Variants in PPP1R12B observed in about 807,000 individuals in gnomAD.
PPP1R12B encodes the protein protein phosphatase 1 regulatory subunit 12B.
In PPP1R12B, 76 loss-of-function variants were observed where a neutral mutation model predicts 126.1. The ratio of observed to expected loss-of-function variants is 0.60; its 90% CI spans 0.50 to 0.73. PPP1R12B has a LOEUF of 0.73. Ranked by LOEUF, PPP1R12B falls within the 30% of genes least tolerant of loss-of-function variation. The probability of loss-of-function intolerance (pLI) is 0.00; values close to 1 mark genes in which losing one functional copy is unlikely to be tolerated. For missense variants in PPP1R12B, 1,052 were observed against 1,205.1 expected, an observed-to-expected ratio of 0.87 and a Z score of 1.88; for synonymous variants, 356 against 434.7, an observed-to-expected ratio of 0.82 and a Z score of 2.25.
intron 12 of PPP1R12B, among the ~76,000 whole-genome samples, chr1:202,446,251 TATA>T (rs1212983184): frequency 1.3e-3 from 82 of 62,674 alleles, no homozygotes; most frequent in Non-Finnish European, 1.8e-3. Flanking sequence ...TATATATATA[TATA>T]TATTTTTTTT....
Position 202,416,776 on chromosome 1 carries a change from T to C in PPP1R12B, c.292-11T>C. On this transcript the variant is annotated splice_polypyrimidine_tract_variant and intron_variant, in intron 1 of 23. Coordinates refer to ENST00000608999, the MANE Select transcript of PPP1R12B (RefSeq NM_002481.4). ...TACTTGTTGAATGAATGAATGGACT[T>C]TTCTTTTCAGGCATGTATTGATGAA... The C allele has an allele frequency of 6.2e-7, 1 of 1,612,630 alleles. No individual in the cohort carries two copies. Among genetic ancestry groups the C allele is most frequent in the Non-Finnish European group, 8.5e-7 (1 of 1,179,030 alleles).
At position 202,588,221 on chromosome 1, in the gene PPP1R12B, C is replaced by G. The variant is rs1383361135; in HGVS notation, c.*7661C>G. On this transcript the variant is annotated 3_prime_UTR_variant, in exon 24 of 24. Transcript: ENST00000608999. ...TTAGTGGTAGCATTTTGTGTCTTTA[C>G]TCCACCCTTCACCCTAGTTCCACCA... 1 of 152,632 alleles carries G rather than the reference C, an allele frequency of 6.6e-6. No individual in the cohort carries two copies. Among genetic ancestry groups the G allele is most frequent in the Admixed American group, 6.5e-5 (1 of 15,286 alleles). The allele number at this position is 152,632 out of a possible 1,614,324, so 9.5% of individuals were successfully genotyped here.
At chr1:202,462,037 A>G (rs1204323185) in intron 13 of PPP1R12B, among the ~76,000 whole-genome samples, 1 of 152,162 alleles carries the variant, frequency 6.6e-6, no homozygotes, top group Non-Finnish European at 1.5e-5. Flanking sequence ...AAACAAGTAC[A>G]CTCAATACTA....
chr1:202,467,547 C>A (rs956698038), intron 13 of PPP1R12B, among the ~76,000 whole-genome samples: 16 of 152,194 alleles, frequency 1.1e-4, no homozygotes, highest in African/African-American at 3.6e-4. Context: ...CTACAAAGGA[C>A]ATGAACTCAT....
intron 18 of PPP1R12B, among the ~76,000 whole-genome samples, chr1:202,544,452 T>A (rs1364751034): frequency 3.3e-5 from 5 of 152,200 alleles, no homozygotes; most frequent in Admixed American, 6.5e-5. Flanking sequence ...AATTTAAAAA[T>A]TTTTCAATGC....
chr1:202,436,113 AG>A (rs1487421625), intron 9 of PPP1R12B, among the ~76,000 whole-genome samples: 1 of 152,088 alleles, frequency 6.6e-6, no homozygotes, highest in Non-Finnish European at 1.5e-5. Flanking sequence ...TAAAAACATT[AG>A]CCAGGCATGG....
intron 1 of PPP1R12B, among the ~76,000 whole-genome samples, chr1:202,380,382 C>G (rs910080944): frequency 2.0e-5 from 3 of 152,126 alleles, no homozygotes; most frequent in Admixed American, 6.6e-5. Context: ...CCTAGAGTTT[C>G]CAGCCCAGGG....
intron 18 of PPP1R12B, among the ~76,000 whole-genome samples, chr1:202,537,774 C>G (rs563710985): frequency 1.3e-5 from 2 of 152,318 alleles, no homozygotes; most frequent in South Asian, 2.1e-4. Context: ...CGGTGACTTT[C>G]ATTCAACATA....
At chr1:202,470,045 T>C (rs1675622393) in intron 13 of PPP1R12B, among the ~76,000 whole-genome samples, 1 of 152,208 alleles carries the variant, frequency 6.6e-6, no homozygotes, top group Non-Finnish European at 1.5e-5. Flanking sequence ...TTTTCCCCAT[T>C]GGAGGCCATC....
chr1:202,412,030 T>TG (rs1196917297), intron 1 of PPP1R12B, among the ~76,000 whole-genome samples: 1 of 152,228 alleles, frequency 6.6e-6, no homozygotes, highest in Non-Finnish European at 1.5e-5. Flanking sequence ...TTTAGACAGT[T>TG]GGCCTCCTTT....
At chr1:202,350,320 C>T (rs1655707699) in intron 1 of PPP1R12B, among the ~76,000 whole-genome samples, 1 of 152,126 alleles carries the variant, frequency 6.6e-6, no homozygotes, top group African/African-American at 2.4e-5. Context: ...TGTTTGATTT[C>T]ATATGTCTTA....
chr1:202,432,497 C>T (rs1430596359), intron 8 of PPP1R12B, among the ~76,000 whole-genome samples: 1 of 152,100 alleles, frequency 6.6e-6, no homozygotes, highest in African/African-American at 2.4e-5. Context: ...AAACTCCCGA[C>T]CTCAAGTGAT....
At chr1:202,500,230 T>TTG (rs1482301899) in intron 18 of PPP1R12B, among the ~76,000 whole-genome samples, 1 of 151,930 alleles carries the variant, frequency 6.6e-6, no homozygotes, top group Non-Finnish European at 1.5e-5. Flanking sequence ...TCTCTCTCTC[T>TTG]CTCTCTCTCT....
intron 11 of PPP1R12B, among the ~76,000 whole-genome samples, chr1:202,441,508 A>G (rs1004213550): frequency 6.6e-6 from 1 of 152,140 alleles, no homozygotes; most frequent in African/African-American, 2.4e-5. Flanking sequence ...CTCCAGATCT[A>G]CTGAATTAGA....
chr1:202,557,553 C>A (rs1687082145), intron 18 of PPP1R12B, among the ~76,000 whole-genome samples: 1 of 152,056 alleles, frequency 6.6e-6, no homozygotes, highest in African/African-American at 2.4e-5. Context: ...CCTAATGATT[C>A]CCCCACCTCA....
intron 15 of PPP1R12B, among the ~76,000 whole-genome samples, 194 bp from the exon 16 acceptor site, chr1:202,495,099 T>G (rs1679372325): frequency 2.3e-5 from 3 of 129,424 alleles, no homozygotes; most frequent in South Asian, 2.2e-4. Flanking sequence ...AGCAGCTGTG[T>G]TTTTTTTTTT....
chr1:202,482,290 T>A (rs1677490768), intron 13 of PPP1R12B, among the ~76,000 whole-genome samples: 1 of 152,198 alleles, frequency 6.6e-6, no homozygotes, highest in African/African-American at 2.4e-5. Flanking sequence ...AGTTCTATTT[T>A]TACGTTTTAA....
At position 202,483,539 on chromosome 1, in the gene PPP1R12B, C is replaced by A. The variant is rs925877404; in HGVS notation, c.1851-4994C>A. Among the ~76,000 whole-genome samples the A allele has an allele frequency of 4.6e-5, 7 of 152,146 alleles. No individual in the cohort carries two copies. The East Asian group carries it at 1.4e-3, about 29-fold the overall frequency. On this transcript the variant is annotated intron_variant, in intron 13 of 23. Transcript: ENST00000608999. ...AACGACGGTTACAGAACAGGTGACTCAGGATGACTCAGGTCAGAGCAGGTG... is the reference window on the plus strand; with the variant it reads ...AACGACGGTTACAGAACAGGTGACTAAGGATGACTCAGGTCAGAGCAGGTG...
At chr1:202,436,176 G>A (rs1670786528) in intron 9 of PPP1R12B, among the ~76,000 whole-genome samples, 2 of 151,916 alleles carry the variant, frequency 1.3e-5, no homozygotes, top group Admixed American at 6.6e-5. Flanking sequence ...CGAGGTGGGA[G>A]GATCACTTGA....
Sources: allele counts gnomAD v4.1 joint callset (sites outside exome capture counted in the v4.1 genomes callset), GRCh38; gene constraint gnomAD v4.1.1; transcripts MANE v1.5; gene names NCBI Gene and HGNC (gene_info 2026-07-23, HGNC 2026-07-21).